Variants in SCN2A observed in about 807,000 individuals in gnomAD.
SCN2A encodes sodium voltage-gated channel alpha subunit 2, also known as sodium channel protein type 2 subunit alpha.
Under a neutral mutation model 188.7 loss-of-function variants are expected in SCN2A, and 20 were observed. The observed-to-expected ratio is 0.11, with a 90% CI of 0.07 to 0.15. The LOEUF (loss-of-function observed/expected upper bound fraction) is 0.15, where lower values mean the gene tolerates loss of function less well. SCN2A is among the 10% of genes least tolerant of loss of function. SCN2A has a pLI of 1.00. For synonymous variants in SCN2A, 804 were observed against 833.1 expected (o/e 0.97, Z 0.60); for missense variants, 1,278 against 2,445.0 (o/e 0.52, Z 10.07).
At chr2:165,285,717 C>A in intron 1 of SCN2A, 1 of 209,174 alleles carries the variant, frequency 4.8e-6, no homozygotes, top group East Asian at 1.2e-4. Flanking sequence ...CAATCCAGCT[C>A]CACATAGGAC....
chr2:165,371,508 A>G (rs1012617690), intron 20 of SCN2A: 8 of 152,228 alleles, frequency 5.3e-5, no homozygotes, highest in South Asian at 2.1e-4. Context: ...AAAGGCTTCA[A>G]TAGGGAAGTG....
chr2:165,380,819 A>G, intron 24 of SCN2A, 90 bp downstream of exon 24: 1 of 1,030,538 alleles, frequency 9.7e-7, no homozygotes, highest in South Asian at 1.5e-5. Context: ...AATCACCAAA[A>G]AAAGAATATA....
At chr2:165,310,678 G>A in intron 7 of SCN2A, 83 bp downstream of exon 7, 1 of 1,013,144 alleles carries the variant, frequency 9.9e-7, no homozygotes, top group Non-Finnish European at 1.4e-6. Context: ...TCTCAATTTA[G>A]ATGTGAATCA....
chr2:165,376,603 G>C (rs936913718), intron 22 of SCN2A, among the ~76,000 whole-genome samples: 2 of 151,950 alleles, frequency 1.3e-5, no homozygotes, highest in Non-Finnish European at 2.9e-5. Flanking sequence ...GCATAGCCAA[G>C]TCCTTTGTTA....
chr2:165,266,107 T>C (rs1694849086), intron 1 of SCN2A, among the ~76,000 whole-genome samples: 1 of 152,122 alleles, frequency 6.6e-6, no homozygotes, highest in Non-Finnish European at 1.5e-5. Flanking sequence ...AGAAAATCTA[T>C]GATGGTCTAA....
intron 13 of SCN2A, 28 bp from the exon 14 acceptor site, chr2:165,331,302 A>G (rs757881778): frequency 3.3e-6 from 5 of 1,533,390 alleles, no homozygotes; most frequent in Middle Eastern, 1.7e-4. Context: ...AGCAGTTTTC[A>G]TGAGGATTCT....
chr2:165,369,461 T>C (rs1199853961), intron 19 of SCN2A, among the ~76,000 whole-genome samples: 1 of 152,190 alleles, frequency 6.6e-6, no homozygotes, highest in African/African-American at 2.4e-5. Flanking sequence ...TGATTCTTGT[T>C]ATCTAAAAAA....
rs192075648 is a variant in SCN2A, at chr2:165,256,055, G to A, written c.-52+16415G>A. Among the ~76,000 whole-genome samples the A allele has an allele frequency of 4.6e-3, 659 of 142,170 alleles. 7 individuals are homozygous for A. Among genetic ancestry groups the A allele is most frequent in the African/African-American group, 0.017 (628 of 36,356 alleles). The allele number at this position is 142,170 out of a possible 152,430, so 93.3% of individuals were successfully genotyped here. On this transcript the variant is annotated intron_variant, in intron 1 of 26. Coordinates refer to ENST00000375437, the MANE Select transcript of SCN2A (RefSeq NM_001040142.2). ...GTCTCTCGCTCTGTCGCCCAGGCTG[G>A]AGTGCAGTGGCGCAGTCTCGGCTCA... is the stretch of plus-strand genomic sequence containing the variant.
chr2:165,370,430 A>G, intron 20 of SCN2A, 131 bp downstream of exon 20: 1 of 957,284 alleles, frequency 1.0e-6, no homozygotes, highest in Non-Finnish European at 1.7e-6. Context: ...CTCATTTCAC[A>G]GTGAGAGGAT....
At chr2:165,291,463 TTTC>T (rs1696145599) in intron 1 of SCN2A, among the ~76,000 whole-genome samples, 1 of 35,584 alleles carries the variant, frequency 2.8e-5, no homozygotes. Flanking sequence ...TCTTTCTTTC[TTTC>T]TTTCTTTCTT....
At chr2:165,381,286 G>C in intron 25 of SCN2A, 89 bp downstream of exon 25, 3 of 963,266 alleles carry the variant, frequency 3.1e-6, no homozygotes, top group Non-Finnish European at 4.8e-6. Context: ...TATTTTTGTG[G>C]ATTTGTAACA....
chr2:165,385,933 C>G (rs1171994035), intron 25 of SCN2A, among the ~76,000 whole-genome samples: 1 of 152,228 alleles, frequency 6.6e-6, no homozygotes, highest in South Asian at 2.1e-4. Flanking sequence ...AACTGTCCGT[C>G]ATAACATGAT....
intron 14 of SCN2A, among the ~76,000 whole-genome samples, chr2:165,333,591 T>C (rs769179149): frequency 2.0e-5 from 3 of 151,830 alleles, no homozygotes; most frequent in Non-Finnish European, 4.4e-5. Flanking sequence ...TAGAAAATAC[T>C]TTAGGATGAC....
intron 11 of SCN2A, among the ~76,000 whole-genome samples, chr2:165,319,939 C>T (rs1413107747): frequency 6.6e-6 from 1 of 152,176 alleles, no homozygotes; most frequent in Non-Finnish European, 1.5e-5. Flanking sequence ...ATCATGCCTT[C>T]CCAACAGTCC....
At chr2:165,388,608 T>C in intron 26 of SCN2A, 21 bp from the exon 27 acceptor site, 1 of 1,613,570 alleles carries the variant, frequency 6.2e-7, no homozygotes, top group Middle Eastern at 1.7e-4. Flanking sequence ...AATATTTTTG[T>C]TATTTGTTGA....
intron 22 of SCN2A, among the ~76,000 whole-genome samples, chr2:165,377,088 ATAGAG>A (rs965292488): frequency 2.0e-5 from 3 of 152,074 alleles, no homozygotes; most frequent in African/African-American, 7.2e-5. Context: ...GCTTCCTCTT[ATAGAG>A]TAATCACCTC....
At chr2:165,281,603 C>T (rs1695586899) in intron 1 of SCN2A, among the ~76,000 whole-genome samples, 1 of 152,248 alleles carries the variant, frequency 6.6e-6, no homozygotes, top group South Asian at 2.1e-4. Context: ...ATGGCTCATA[C>T]TTTGACTTTT....
At chr2:165,377,710 T>A in intron 23 of SCN2A, 60 bp downstream of exon 23, 1 of 1,324,238 alleles carries the variant, frequency 7.6e-7, no homozygotes, top group Non-Finnish European at 1.1e-6. Flanking sequence ...TACAATATTG[T>A]AATTTAGTGA....
At chr2:165,304,246 C>T (rs767104638) in intron 3 of SCN2A, among the ~76,000 whole-genome samples, 17 of 151,976 alleles carry the variant, frequency 1.1e-4, no homozygotes, top group East Asian at 1.9e-4. Flanking sequence ...TACAGGCATC[C>T]GTCACGCCTG....
Sources: gnomAD v4.1 joint callset for allele counts (sites outside exome capture counted in the v4.1 genomes callset) on GRCh38, gnomAD v4.1.1 for gene constraint, MANE v1.5 for transcripts, NCBI Gene and HGNC (gene_info 2026-07-23, HGNC 2026-07-21) for gene names.